The following TSPEAR variants were observed in gnomAD, a reference collection of about 807,000 sequenced individuals.
The protein encoded by TSPEAR is thrombospondin-type laminin G domain and EAR repeat-containing protein.
A neutral mutation model predicts 71.6 loss-of-function variants in TSPEAR; 69 were observed. The ratio of observed to expected loss-of-function variants is 0.96; its 90% CI spans 0.79 to 1.18. The LOEUF is 1.18. Ranked by LOEUF, TSPEAR falls within the 50% of genes most tolerant of loss-of-function variation. TSPEAR has a pLI of 0.00. For synonymous variants in TSPEAR, 402 were observed against 387.2 expected (o/e 1.04, Z -0.45); for missense variants, 971 against 894.9 (o/e 1.09, Z -1.09).
In TSPEAR at chr21:44,591,248, A is replaced by T. The variant is rs115765263; in HGVS notation, c.83-23243T>A. ...CATGCAGCCAGCATCTGGGAAGGAC[A>T]GGGGGAGCATCCTGGTCCCTAAGAC... On this transcript the variant is annotated intron_variant, in intron 1 of 11. Transcript: ENST00000323084. 3,802 of 1,443,342 alleles carry T rather than the reference A, an allele frequency of 2.6e-3. 9 individuals are homozygous for T. In the African/African-American group the frequency reaches 0.035, roughly 13 times the overall value. 89.4% of individuals were successfully genotyped at this position (1,443,342 alleles called of 1,614,324 possible).
At chr21:44,569,251 C>T (rs782549458) in intron 1 of TSPEAR, among the ~76,000 whole-genome samples, 1 of 152,182 alleles carries the variant, frequency 6.6e-6, no homozygotes, top group African/African-American at 2.4e-5. Flanking sequence ...CACGCGCACA[C>T]AGGGTGTGAA....
chr21:44,614,781 G>GA (rs1322854761), intron 1 of TSPEAR, among the ~76,000 whole-genome samples: 1 of 152,202 alleles, frequency 6.6e-6, no homozygotes, highest in Non-Finnish European at 1.5e-5. Flanking sequence ...GAAAACCAGT[G>GA]AAAAAGGAAG....
At chr21:44,592,578 C>T in intron 1 of TSPEAR, 1 of 1,516,112 alleles carries the variant, frequency 6.6e-7, no homozygotes, top group Non-Finnish European at 8.9e-7. Context: ...GTCCCCGGGC[C>T]CACAGCTTCC....
At chr21:44,707,687 C>T (rs1427057771) in intron 1 of TSPEAR, among the ~76,000 whole-genome samples, 2 of 152,152 alleles carry the variant, frequency 1.3e-5, no homozygotes, top group African/African-American at 4.8e-5. Context: ...AGAGTGACCG[C>T]CTGGCTCGGA....
Position 44,612,526 on chromosome 21 carries a change from C to T in TSPEAR, c.83-44521G>A, listed in dbSNP as rs782514368. On this transcript the variant is annotated intron_variant, in intron 1 of 11. Coordinates refer to ENST00000323084, the MANE Select transcript of TSPEAR (RefSeq NM_144991.3). The surrounding 1 kb of genome is among the most constrained non-coding windows in gnomAD (Gnocchi z 4.1). ...GCGTGTCCATCTGCTCTGGAGCTTC[C>T]TCCCCATGCTGCCAGCAGTCTAGCT... is the stretch of plus-strand genomic sequence containing the variant. The T allele has an allele frequency of 6.2e-7, 1 of 1,609,308 alleles. No individual in the cohort carries two copies. Among genetic ancestry groups the T allele is most frequent in the Non-Finnish European group, 8.5e-7 (1 of 1,176,996 alleles).
In TSPEAR at chr21:44,623,795, C is replaced by T. The variant is rs938564329; in HGVS notation, c.83-55790G>A. ...AAGTCATCTGTAAATGCTATTGTTG[C>T]TTCTTTAAAGGTAATATTTCTTTTT... is the stretch of plus-strand genomic sequence containing the variant. On this transcript the variant is annotated intron_variant, in intron 1 of 11. Coordinates refer to ENST00000323084, the MANE Select transcript of TSPEAR (RefSeq NM_144991.3). The surrounding 1 kb of genome is among the most constrained non-coding windows in gnomAD (Gnocchi z 4.5). Among the ~76,000 whole-genome samples, 3 of 152,138 alleles carry T rather than the reference C, an allele frequency of 2.0e-5. No individual in the cohort carries two copies. In the South Asian group the frequency reaches 6.2e-4, roughly 31 times the overall value.
intron 1 of TSPEAR, among the ~76,000 whole-genome samples, chr21:44,652,944 CAGG>C (rs1306297115): frequency 2.0e-5 from 3 of 152,082 alleles, no homozygotes; most frequent in African/African-American, 7.2e-5. Flanking sequence ...ATCACAAGGT[CAGG>C]AGATCAAAAC....
chr21:44,552,016 C>T (rs1267792526), intron 2 of TSPEAR, among the ~76,000 whole-genome samples: 1 of 152,226 alleles, frequency 6.6e-6, no homozygotes, highest in Non-Finnish European at 1.5e-5. Flanking sequence ...AGCAGGAGGA[C>T]AGGGAGGACC....
chr21:44,532,141 C>T (rs1367133888), intron 3 of TSPEAR, among the ~76,000 whole-genome samples: 2 of 152,244 alleles, frequency 1.3e-5, no homozygotes, highest in East Asian at 3.8e-4. Context: ...GGGTTAAGTT[C>T]TTCCGTGGCC....
chr21:44,702,609 C>T, intron 1 of TSPEAR: 1 of 1,604,878 alleles, frequency 6.2e-7, no homozygotes, highest in Non-Finnish European at 8.5e-7. Flanking sequence ...GACCCTCCTC[C>T]TCTGTGTCCC....
chr21:44,509,646 G>A (rs1443795236), intron 9 of TSPEAR, among the ~76,000 whole-genome samples: 6 of 152,252 alleles, frequency 3.9e-5, no homozygotes, highest in African/African-American at 9.6e-5. Context: ...TTGGCAGGAC[G>A]TGGGATCTTG....
intron 2 of TSPEAR, among the ~76,000 whole-genome samples, chr21:44,544,763 G>A (rs916750731): frequency 6.6e-6 from 1 of 152,110 alleles, no homozygotes; most frequent in African/African-American, 2.4e-5. Context: ...CAGACCAGGA[G>A]AATGGCCAGG....
chr21:44,610,327 C>T (rs1231094223), intron 1 of TSPEAR, among the ~76,000 whole-genome samples: 7 of 152,154 alleles, frequency 4.6e-5, no homozygotes, highest in South Asian at 2.1e-4. Context: ...AAAGTGGTTT[C>T]GTGGGTCCAG....
At chr21:44,698,616 G>T (rs1987500801) in intron 1 of TSPEAR, among the ~76,000 whole-genome samples, 1 of 152,220 alleles carries the variant, frequency 6.6e-6, no homozygotes. Context: ...CTGCCAAGTG[G>T]GGGCTGGCTG....
chr21:44,556,555 T>C (rs1213800573), intron 2 of TSPEAR, among the ~76,000 whole-genome samples: 1 of 152,092 alleles, frequency 6.6e-6, no homozygotes, highest in African/African-American at 2.4e-5. Flanking sequence ...TAGCTGGGCA[T>C]GGTGGCCTGC....
intron 1 of TSPEAR, among the ~76,000 whole-genome samples, chr21:44,621,799 T>C (rs797037701): frequency 2.0e-5 from 3 of 152,386 alleles, no homozygotes; most frequent in African/African-American, 7.2e-5. Context: ...TTAATCAATA[T>C]GGGATATTTG....
chr21:44,557,310 G>A (rs2053548725), intron 2 of TSPEAR, among the ~76,000 whole-genome samples: 1 of 152,158 alleles, frequency 6.6e-6, no homozygotes, highest in Non-Finnish European at 1.5e-5. Context: ...AAGCACACAA[G>A]GAAACGACAC....
intron 1 of TSPEAR, chr21:44,677,527 C>T: frequency 1.2e-6 from 1 of 826,646 alleles, no homozygotes; most frequent in Non-Finnish European, 2.1e-6. Flanking sequence ...GCAATTTCTT[C>T]ACATGGTCGT....
intron 1 of TSPEAR, chr21:44,600,797 C>T (rs1858420506): frequency 6.3e-7 from 1 of 1,596,706 alleles, no homozygotes; most frequent in African/African-American, 1.5e-5. Context: ...GTCTGCACCC[C>T]AGTGAGCTAT....
Sources: allele counts gnomAD v4.1 joint callset (sites outside exome capture counted in the v4.1 genomes callset), GRCh38; gene constraint gnomAD v4.1.1; non-coding constraint Gnocchi (gnomAD v3.1); transcripts MANE v1.5; gene names NCBI Gene and HGNC (gene_info 2026-07-23, HGNC 2026-07-21).